The following ZNF469 variants were observed in gnomAD, a reference collection of about 807,000 sequenced individuals.
The protein encoded by ZNF469 is zinc finger protein 469.
In ZNF469, 1 loss-of-function variant was observed where a neutral mutation model predicts 1.0. The observed-to-expected ratio is 1.00, with a 90% CI of 0.35 to 4.73. The LOEUF (loss-of-function observed/expected upper bound fraction) is 4.73, where lower values mean the gene tolerates loss of function less well. ZNF469 is among the 30% of genes most tolerant of loss of function. ZNF469 has a pLI of 0.16. For missense variants in ZNF469, 6,100 were observed against 5,356.3 expected, an observed-to-expected ratio of 1.14 and a Z score of -4.33; for synonymous variants, 2,703 against 2,363.4, an observed-to-expected ratio of 1.14 and a Z score of -4.17.
At chr16:88,387,407 C>G (rs1772297715) in intron 1 of ZNF469, among the ~76,000 whole-genome samples, 1 of 152,126 alleles carries the variant, frequency 6.6e-6, no homozygotes, top group Admixed American at 6.5e-5. Context: ...TGCCGGGGGA[C>G]TCGGGCCGCG....
intron 1 of ZNF469, among the ~76,000 whole-genome samples, chr16:88,393,954 G>A (rs989522877): frequency 2.6e-5 from 4 of 152,240 alleles, no homozygotes; most frequent in African/African-American, 9.6e-5. Context: ...TCTGCTGTCC[G>A]ACAGGAGGGG....
the ZNF469 span, among the ~76,000 whole-genome samples, chr16:88,333,576 A>G: frequency 6.6e-6 from 1 of 152,208 alleles, no homozygotes; most frequent in Admixed American, 6.5e-5. Flanking sequence ...AGAGGGGCCC[A>G]CGGGTGACTG....
At chr16:88,214,450 C>T in the ZNF469 span, among the ~76,000 whole-genome samples, 2 of 148,206 alleles carry the variant, frequency 1.3e-5, no homozygotes, top group African/African-American at 2.5e-5. Context: ...GATTTGTCTA[C>T]CTCTCCTTTT....
At chr16:88,298,786 TTAAA>T in the ZNF469 span, among the ~76,000 whole-genome samples, 3 of 152,182 alleles carry the variant, frequency 2.0e-5, no homozygotes, top group East Asian at 5.8e-4. Flanking sequence ...CATTCCATCC[TTAAA>T]TAGATAGGTC....
At chr16:88,151,465 A>G in the ZNF469 span, among the ~76,000 whole-genome samples, 1 of 152,142 alleles carries the variant, frequency 6.6e-6, no homozygotes, top group South Asian at 2.1e-4. This position sits in a 1 kb window ranked among gnomAD's most constrained non-coding sequence, Gnocchi z 5.4. Flanking sequence ...GCTTCCAACC[A>G]ATTTCGCTTT....
chr16:88,240,691 C>G, the ZNF469 span, among the ~76,000 whole-genome samples: 1 of 152,194 alleles, frequency 6.6e-6, no homozygotes. Context: ...AAATTAACCG[C>G]TCCAGGTGGA....
chr16:88,350,276 C>T, the ZNF469 span, among the ~76,000 whole-genome samples: 33 of 152,396 alleles, frequency 2.2e-4, no homozygotes, highest in African/African-American at 7.5e-4. Flanking sequence ...GGCCCTGCCC[C>T]CCCGTCCGCT....
chr16:88,219,123 A>G, the ZNF469 span, among the ~76,000 whole-genome samples: 1 of 149,690 alleles, frequency 6.7e-6, no homozygotes, highest in Non-Finnish European at 1.5e-5. Context: ...AAAAGAGGAT[A>G]CAAACAAATG....
At chr16:88,321,494 C>T in the ZNF469 span, among the ~76,000 whole-genome samples, 2 of 151,934 alleles carry the variant, frequency 1.3e-5, no homozygotes, top group East Asian at 3.9e-4. Context: ...CTCTCAGAGT[C>T]TGCATGTCAG....
the ZNF469 span, among the ~76,000 whole-genome samples, chr16:88,221,166 A>G: frequency 6.6e-6 from 1 of 152,190 alleles, no homozygotes; most frequent in Admixed American, 6.5e-5. Context: ...CACGTTCTGG[A>G]TAGAGCAGGC....
At chr16:88,218,873 T>G in the ZNF469 span, among the ~76,000 whole-genome samples, 1 of 147,272 alleles carries the variant, frequency 6.8e-6, no homozygotes, top group South Asian at 2.3e-4. Flanking sequence ...AAAACCCCAT[T>G]GTCTCAGCCC....
chr16:88,378,934 C>T (rs1391535703), upstream of ZNF469, among the ~76,000 whole-genome samples: 2 of 152,200 alleles, frequency 1.3e-5, no homozygotes. Flanking sequence ...GGCGTGGGCC[C>T]ACACGTGGCA....
the ZNF469 span, among the ~76,000 whole-genome samples, chr16:88,259,861 C>T: frequency 6.6e-6 from 1 of 152,196 alleles, no homozygotes; most frequent in Non-Finnish European, 1.5e-5. This position sits in a 1 kb window ranked among gnomAD's most constrained non-coding sequence, Gnocchi z 4.1. Context: ...AGCAGCAGAG[C>T]TGATGTCTTA....
chr16:88,195,914 G>T, the ZNF469 span, among the ~76,000 whole-genome samples: 2 of 152,242 alleles, frequency 1.3e-5, no homozygotes, highest in Non-Finnish European at 2.9e-5. Context: ...CACCGAGCAG[G>T]ACTTGATGCC....
the ZNF469 span, among the ~76,000 whole-genome samples, chr16:88,255,900 G>A: frequency 4.3e-3 from 660 of 152,310 alleles, no homozygotes; most frequent in Non-Finnish European, 6.8e-3. Context: ...CTCTGGTTAC[G>A]GAAGGGTTTG....
chr16:88,332,887 G>A, the ZNF469 span, among the ~76,000 whole-genome samples: 643 of 152,308 alleles, frequency 4.2e-3, 3 homozygotes, highest in African/African-American at 0.014. Flanking sequence ...CTTGAGTCTG[G>A]GCACTGGAGA....
chr16:88,154,198 C>T, the ZNF469 span, among the ~76,000 whole-genome samples: 2 of 152,204 alleles, frequency 1.3e-5, no homozygotes, highest in Non-Finnish European at 2.9e-5. Context: ...AGCTCTGTCG[C>T]CCAGGCTGGA....
At chr16:88,358,300 C>T in the ZNF469 span, among the ~76,000 whole-genome samples, 2 of 152,186 alleles carry the variant, frequency 1.3e-5, no homozygotes, top group Admixed American at 6.5e-5. Flanking sequence ...GGTCCACACC[C>T]GGGGGAGGGG....
Position 88,428,901 on chromosome 16 carries a change from C to G in ZNF469, c.1431C>G (p.Pro477=), listed in dbSNP as rs1241291254. The G allele has an allele frequency of 1.2e-5, 18 of 1,546,916 alleles. No homozygotes were observed. Among genetic ancestry groups the G allele is most frequent in the Non-Finnish European group, 1.6e-5 (18 of 1,145,760 alleles). The part of the protein sequence containing the change: ...QPSPGQRLCL[P]QSAPLPWPQV... ...GCCCAGGCCAGCGGCTCTGCCTCCC[C>G]CAGAGTGCCCCCCTGCCTTGGCCCC... Residue 477 remains proline (P), a synonymous_variant, in exon 3 of 3, where the codon CCC becomes CCG. Coordinates refer to ENST00000565624, the MANE Select transcript of ZNF469 (RefSeq NM_001367624.2).
Sources: allele counts gnomAD v4.1 joint callset (sites outside exome capture counted in the v4.1 genomes callset), GRCh38; gene constraint gnomAD v4.1.1; non-coding constraint Gnocchi (gnomAD v3.1); transcripts MANE v1.5; gene names NCBI Gene and HGNC (gene_info 2026-07-23, HGNC 2026-07-21).